Variants in CRPPA observed in about 807,000 individuals in gnomAD.
CRPPA encodes the protein CDP-L-ribitol pyrophosphorylase A.
A neutral mutation model predicts 52.0 loss-of-function variants in CRPPA; 43 were observed. That is an observed-to-expected ratio of 0.83 (90% CI 0.65 to 1.07). The LOEUF (loss-of-function observed/expected upper bound fraction) is 1.07. Among genes scored for constraint, CRPPA ranks in the 50% least tolerant of loss-of-function variants. The pLI is 0.00. For synonymous variants in CRPPA, 250 were observed against 203.5 expected, an observed-to-expected ratio of 1.23 and a Z score of -1.94; for missense variants, 629 against 551.7, an observed-to-expected ratio of 1.14 and a Z score of -1.40.
intron 8 of CRPPA, among the ~76,000 whole-genome samples, chr7:16,225,907 A>T (rs1190870000): frequency 6.6e-6 from 1 of 151,914 alleles, no homozygotes; most frequent in Non-Finnish European, 1.5e-5. Flanking sequence ...ATGTGTTCCA[A>T]AGGCAAAGTA....
At position 16,263,464 on chromosome 7, in the gene CRPPA, A is replaced by G. The variant is rs550546957; in HGVS notation, c.934-4452T>C. Among the ~76,000 whole-genome samples, 8 of 152,338 alleles carry G rather than the reference A, an allele frequency of 5.3e-5. No individual in the cohort carries two copies. In the South Asian group the frequency reaches 1.4e-3, roughly 28 times the overall value. On this transcript the variant is annotated intron_variant, in intron 6 of 9. Coordinates refer to ENST00000407010, the MANE Select transcript of CRPPA (RefSeq NM_001101426.4). ...AAGATATACACTCTTAGAATATACA[A>G]TTGTAGGCCAGGCGCAGTGGCTCAC...
At chr7:16,343,754 G>A (rs891741464) in intron 3 of CRPPA, among the ~76,000 whole-genome samples, 1 of 152,126 alleles carries the variant, frequency 6.6e-6, no homozygotes, top group Non-Finnish European at 1.5e-5. Flanking sequence ...TGCCACATAC[G>A]TGCATTGGGC....
intron 1 of CRPPA, among the ~76,000 whole-genome samples, chr7:16,419,360 T>C (rs558226014): frequency 6.6e-6 from 1 of 152,368 alleles, no homozygotes; most frequent in African/African-American, 2.4e-5. Flanking sequence ...ATTAAGCTCA[T>C]TCCTTGGCAT....
intron 2 of CRPPA, among the ~76,000 whole-genome samples, chr7:16,383,735 A>T (rs1429760141): frequency 6.6e-6 from 1 of 152,206 alleles, no homozygotes; most frequent in Non-Finnish European, 1.5e-5. Flanking sequence ...GCCACCTTGC[A>T]GTTTGATCTC....
intron 6 of CRPPA, among the ~76,000 whole-genome samples, chr7:16,260,852 G>T (rs1436827626): frequency 6.6e-6 from 1 of 151,934 alleles, no homozygotes; most frequent in Non-Finnish European, 1.5e-5. Context: ...GATCTTTGAG[G>T]ACAGAAACAT....
In CRPPA at chr7:16,421,060, C is replaced by G; in HGVS notation, c.257+6G>C. On this transcript the variant is annotated splice_donor_region_variant and intron_variant, in intron 1 of 9. Coordinates refer to ENST00000407010, the MANE Select transcript of CRPPA (RefSeq NM_001101426.4). ...GAACCGCGGGGCGCGCCCGGCGCCG[C>G]ATTACCTCTCCAGGGCCTGTAGGGT... is the stretch of plus-strand genomic sequence containing the variant. 7.9e-7 allele frequency: 1 copy of G among 1,266,466 alleles called. No homozygotes were observed. Among genetic ancestry groups the G allele is most frequent in the Non-Finnish European group, 1.0e-6 (1 of 998,396 alleles). The allele number at this position is 1,266,466 out of a possible 1,614,324, so 78.5% of individuals were successfully genotyped here.
intron 9 of CRPPA, among the ~76,000 whole-genome samples, chr7:16,116,510 C>A (rs1426502888): frequency 6.6e-6 from 1 of 151,946 alleles, no homozygotes; most frequent in Admixed American, 6.6e-5. Flanking sequence ...ACTAAAAATA[C>A]AAACATTAGC....
intron 8 of CRPPA, among the ~76,000 whole-genome samples, chr7:16,231,524 C>A (rs538473671): frequency 3.5e-4 from 53 of 152,230 alleles, no homozygotes; most frequent in African/African-American, 1.3e-3. Context: ...ATTTACACAT[C>A]CATACTGCAA....
chr7:16,364,473 G>A (rs923742371), intron 3 of CRPPA, among the ~76,000 whole-genome samples: 3 of 152,166 alleles, frequency 2.0e-5, no homozygotes, highest in African/African-American at 7.2e-5. Context: ...AGTCCTGATT[G>A]AGAAGGAAAT....
At chr7:16,175,108 T>C (rs901960187) in intron 9 of CRPPA, among the ~76,000 whole-genome samples, 1 of 152,164 alleles carries the variant, frequency 6.6e-6, no homozygotes, top group Non-Finnish European at 1.5e-5. Context: ...TGAAAATGGT[T>C]CTTAGAGGCA....
intron 9 of CRPPA, among the ~76,000 whole-genome samples, chr7:16,121,247 TGTTA>T (rs932826334): frequency 1.9e-4 from 29 of 152,198 alleles, no homozygotes; most frequent in African/African-American, 7.0e-4. Flanking sequence ...TAGATTTATT[TGTTA>T]TTTTATGCAA....
chr7:16,353,304 A>G (rs1354427254), intron 3 of CRPPA, among the ~76,000 whole-genome samples: 1 of 152,132 alleles, frequency 6.6e-6, no homozygotes, highest in Non-Finnish European at 1.5e-5. Context: ...GTGAGCTATG[A>G]CTGAGCCACT....
At chr7:16,306,820 G>A (rs1583506703) in intron 4 of CRPPA, among the ~76,000 whole-genome samples, 1 of 152,124 alleles carries the variant, frequency 6.6e-6, no homozygotes, top group African/African-American at 2.4e-5. Context: ...ATGTTTGCCT[G>A]CTGGGTTGAT....
At chr7:16,400,818 T>A (rs909540638) in intron 2 of CRPPA, among the ~76,000 whole-genome samples, 3 of 152,228 alleles carry the variant, frequency 2.0e-5, no homozygotes, top group Non-Finnish European at 4.4e-5. Flanking sequence ...CTGACACGTG[T>A]GTGACATTTA....
intron 9 of CRPPA, among the ~76,000 whole-genome samples, chr7:16,107,275 G>A (rs145911066): frequency 6.9e-4 from 105 of 152,176 alleles, no homozygotes; most frequent in Non-Finnish European, 1.4e-3. Flanking sequence ...AGAAAGCATA[G>A]CGGTCTCTAA....
At chr7:16,254,937 C>T (rs1262398545) in intron 8 of CRPPA, among the ~76,000 whole-genome samples, 1 of 152,026 alleles carries the variant, frequency 6.6e-6, no homozygotes, top group East Asian at 1.9e-4. Flanking sequence ...GAAGTTCTGG[C>T]CAGGGCAATC....
Position 16,258,928 on chromosome 7 carries a change from A to T in CRPPA, c.1018T>A (p.Cys340Ser). 6 of 1,607,542 alleles carry T rather than the reference A, an allele frequency of 3.7e-6. No homozygotes were observed. Among genetic ancestry groups the T allele is most frequent in the Non-Finnish European group, 5.1e-6 (6 of 1,176,320 alleles). The part of the protein sequence containing the change: ...IILDQCYNFV[C>S]VNVTTSDFQE... ...CATTTGAATTGACTTACATTCACAC[A>T]AACAAAATTGTAGCATTGATCTAAG... The change falls in exon 7 of 10, where the codon TGT (cysteine) becomes AGT (serine). Residue 340 changes from cysteine to serine, a missense_variant. Transcript: ENST00000407010.
chr7:16,320,283 A>C lies in CRPPA; in HGVS notation c.685-11656T>G, dbSNP rs77629274. Among the ~76,000 whole-genome samples the C allele has an allele frequency of 5.4e-3, 821 of 152,266 alleles. 8 individuals are homozygous for C. Among genetic ancestry groups the C allele is most frequent in the African/African-American group, 0.018 (757 of 41,572 alleles). On this transcript the variant is annotated intron_variant, in intron 3 of 9. Transcript: ENST00000407010. ...AATTGTCTTCCATAAAAGTGGTTTCAATTTATGTTTGCATAAACAATGTAT... is the reference window on the plus strand; with the variant it reads ...AATTGTCTTCCATAAAAGTGGTTTCCATTTATGTTTGCATAAACAATGTAT...
intron 3 of CRPPA, among the ~76,000 whole-genome samples, chr7:16,315,421 T>C (rs1307658406): frequency 1.3e-5 from 2 of 152,172 alleles, no homozygotes; most frequent in East Asian, 3.9e-4. Flanking sequence ...CTGGACATGA[T>C]TACTGGGTAA....
Sources: gnomAD v4.1 joint callset for allele counts (sites outside exome capture counted in the v4.1 genomes callset) on GRCh38, gnomAD v4.1.1 for gene constraint, MANE v1.5 for transcripts, NCBI Gene and HGNC (gene_info 2026-07-23, HGNC 2026-07-21) for gene names.